Variants in FLT4 observed in about 807,000 individuals in gnomAD.
FLT4 encodes fms related receptor tyrosine kinase 4.
Under a neutral mutation model 163.2 loss-of-function variants are expected in FLT4, and 30 were observed. That is an observed-to-expected ratio of 0.18 (90% CI 0.14 to 0.25). The LOEUF (loss-of-function observed/expected upper bound fraction) is 0.25, where lower values mean the gene tolerates loss of function less well. Among genes scored for constraint, FLT4 ranks in the 10% least tolerant of loss-of-function variants. The pLI is 1.00. For missense variants in FLT4, 1,510 were observed against 1,863.8 expected, an observed-to-expected ratio of 0.81 and a Z score of 3.50; for synonymous variants, 884 against 789.5, an observed-to-expected ratio of 1.12 and a Z score of -2.01.
chr5:180,628,413 G>A (rs887069107), intron 8 of FLT4, among the ~76,000 whole-genome samples: 20 of 152,188 alleles, frequency 1.3e-4, no homozygotes, highest in African/African-American at 4.3e-4. Flanking sequence ...AAGCTCTCTC[G>A]CTCGCTGCCG....
rs767756091 is a variant in FLT4 at position 180,630,076 on chromosome 5, C to T, written c.543G>A (p.Gln181=). Residue 181 remains glutamine, a synonymous_variant, in exon 5 of 30, where the codon CAG becomes CAA. Transcript: ENST00000261937. The surrounding 1 kb of genome is among the most constrained non-coding windows in gnomAD (Gnocchi z 6.3). ...SQSSVLWPDG[Q]EVVWDDRRGM... ...CCCGCCGGTCATCCCACACCACCTC[C>T]TGCCCGTCTGGCCACAGCACCGAGC... 1 of 1,612,798 alleles carries T rather than the reference C, an allele frequency of 6.2e-7. No homozygotes were observed. Among genetic ancestry groups the T allele is most frequent in the Admixed American group, 1.7e-5 (1 of 60,030 alleles).
At chr5:180,626,820 G>A (rs367736009) in intron 8 of FLT4, among the ~76,000 whole-genome samples, 2 of 152,108 alleles carry the variant, frequency 1.3e-5, no homozygotes, top group Admixed American at 6.5e-5. Context: ...CCCACACCCC[G>A]CCCCCAGGCC....
chr5:180,631,865 G>A (rs1032089757), intron 1 of FLT4, 87 bp from the exon 2 acceptor site: 12 of 937,742 alleles, frequency 1.3e-5, no homozygotes, highest in Non-Finnish European at 1.7e-5. Context: ...TGCATCGCAA[G>A]CGCAGACCCC....
At chr5:180,620,000 C>G (rs954959086) in intron 17 of FLT4, among the ~76,000 whole-genome samples, 173 bp downstream of exon 17, 2 of 152,154 alleles carry the variant, frequency 1.3e-5, no homozygotes, top group African/African-American at 4.8e-5. Flanking sequence ...CTCAGGGAGC[C>G]TGGGAACTGG....
intron 29 of FLT4, among the ~76,000 whole-genome samples, chr5:180,607,408 C>T (rs1006373575): frequency 2.6e-5 from 4 of 152,008 alleles, no homozygotes; most frequent in Admixed American, 1.3e-4. Flanking sequence ...AGGCCGAGGG[C>T]GGGCGGATCA....
Position 180,608,197 on chromosome 5 carries a change from C to T in FLT4, c.3893+771G>A, listed in dbSNP as rs568382179. The T allele has an allele frequency of 1.3e-3, 893 of 700,652 alleles. 11 individuals are homozygous for T. The highest frequency in any genetic ancestry group is 0.011 in the South Asian group (733 of 67,508). The allele number at this position is 700,652 out of a possible 1,614,324, so 43.4% of individuals were successfully genotyped here. The stretch of plus-strand genomic sequence containing the variant: ...TAGTAGATAGCAGTAGAAGAAATAG[C>T]GAAAGTCTTAAAGTCTTTGATCTTT... On this transcript the variant is annotated intron_variant, in intron 29 of 29. Coordinates refer to ENST00000261937, the MANE Select transcript of FLT4 (RefSeq NM_182925.5).
Position 180,602,541 on chromosome 5 carries a change from G to A in FLT4, c.*651C>T. 2.5e-6 allele frequency: 1 copy of A among 399,688 alleles called. No individual in the cohort carries two copies. The highest frequency in any genetic ancestry group is 4.4e-6 in the Non-Finnish European group (1 of 226,904). 24.8% of individuals were successfully genotyped at this position (399,688 alleles called of 1,614,324 possible). A position where few individuals can be genotyped will look rare whatever the true frequency, so the allele number is the denominator to read the frequency against. On this transcript the variant is annotated 3_prime_UTR_variant, in exon 30 of 30. Transcript: ENST00000261937. ...TTGCAGGATGGCTCTCAACACCCAG[G>A]CGCAGGTGTGCGGGCTGCCTCTGTG... is the stretch of plus-strand genomic sequence containing the variant.
intron 8 of FLT4, 140 bp from the exon 9 acceptor site, chr5:180,626,405 G>C: frequency 1.1e-6 from 1 of 910,642 alleles, no homozygotes; most frequent in East Asian, 2.5e-5. Flanking sequence ...ACTGGTCTGC[G>C]AGGGGATGGT....
chr5:180,603,440 G>A (rs376258135), intron 29 of FLT4, 50 bp from the exon 30 acceptor site: 27 of 1,558,668 alleles, frequency 1.7e-5, no homozygotes, highest in Middle Eastern at 1.7e-4. Flanking sequence ...GCTGGGTGGC[G>A]GGTGGTGCAT....
In FLT4 at chr5:180,620,409, G is replaced by C; in HGVS notation, c.2407-101C>G. ...CCCAGGACAGATGGCACTTCCTGCGGGGTTCTCAGTCAAGGAGGGGACAGA... is the reference window on the plus strand; with the variant it reads ...CCCAGGACAGATGGCACTTCCTGCGCGGTTCTCAGTCAAGGAGGGGACAGA... On this transcript the variant is annotated intron_variant, in intron 16 of 29. Transcript: ENST00000261937. The surrounding 1 kb of genome is among the most constrained non-coding windows in gnomAD (Gnocchi z 4.4). The C allele has an allele frequency of 4.7e-6, 7 of 1,494,598 alleles. 1 individual carries two copies. The South Asian group carries it at 7.9e-5, about 17-fold the overall frequency. The allele number at this position is 1,494,598 out of a possible 1,614,324, so 92.6% of individuals were successfully genotyped here.
chr5:180,646,242 A>G (rs1765484556), intron 1 of FLT4, among the ~76,000 whole-genome samples: 3 of 152,130 alleles, frequency 2.0e-5, no homozygotes, highest in Admixed American at 2.0e-4. Flanking sequence ...TTGAAGCCAG[A>G]GACCTGGGAC....
At chr5:180,649,947 T>C (rs373997880), upstream of FLT4, among the ~76,000 whole-genome samples, 32 of 152,098 alleles carry the variant, frequency 2.1e-4, no homozygotes, top group East Asian at 2.3e-3. Context: ...CTTGTAAAAA[T>C]AGTATGTTAC....
intron 26 of FLT4, 111 bp from the exon 27 acceptor site, chr5:180,611,590 G>T (rs1228788092): frequency 2.6e-6 from 3 of 1,133,014 alleles, no homozygotes; most frequent in Non-Finnish European, 3.7e-6. Flanking sequence ...CCCGCCCTCA[G>T]CCCTCGCCCC....
chr5:180,642,572 G>C (rs913360107), intron 1 of FLT4, among the ~76,000 whole-genome samples: 1 of 152,122 alleles, frequency 6.6e-6, no homozygotes, highest in Non-Finnish European at 1.5e-5. Context: ...TCTCTCGATG[G>C]TGGCACACCG....
rs2127793954 is a variant in FLT4 at position 180,612,503 on chromosome 5, C to A, written c.3537+3G>T. On this transcript the variant is annotated splice_donor_region_variant and intron_variant, in intron 26 of 29. Transcript: ENST00000261937. ...AGTAGAACAGGGTGGGGAAGGGGCT[C>A]ACTTGCAGGCCCCTGCCCTGGAGCA... 1 of 1,606,956 alleles carries A rather than the reference C, an allele frequency of 6.2e-7. No individual in the cohort carries two copies. The highest frequency in any genetic ancestry group is 8.5e-7 in the Non-Finnish European group (1 of 1,173,502).
Position 180,614,275 on chromosome 5 carries a change from G to GGTGGATGGGGAGA in FLT4, c.3220-97_3220-96insTCTCCCCATCCAC, listed in dbSNP as rs1762453550. 2.3e-4 allele frequency: 154 copies of GGTGGATGGGGAGA among 676,458 alleles called. 1 individual carries two copies. The highest frequency in any genetic ancestry group is 6.5e-4 in the East Asian group (21 of 32,396). The allele number at this position is 676,458 out of a possible 1,614,324, so 41.9% of individuals were successfully genotyped here. A position where few individuals can be genotyped will look rare whatever the true frequency, so the allele number is the denominator to read the frequency against. On this transcript the variant is annotated intron_variant, in intron 23 of 29. Coordinates refer to ENST00000261937, the MANE Select transcript of FLT4 (RefSeq NM_182925.5). The stretch of plus-strand genomic sequence containing the variant: ...GGGGAGACGGAGGGAAGCGTGTCCT[G>GGTGGATGGGGAGA]CGGTGGATGGGGAGACGGAGGGAAG...
chr5:180,627,306 G>A (rs1006611620), intron 8 of FLT4, among the ~76,000 whole-genome samples: 5 of 150,898 alleles, frequency 3.3e-5, no homozygotes, highest in African/African-American at 1.2e-4. Context: ...GCAGGGGCCC[G>A]GGGGGAGTGC....
At chr5:180,608,669 T>C (rs977612844) in intron 29 of FLT4, among the ~76,000 whole-genome samples, 3 of 152,068 alleles carry the variant, frequency 2.0e-5, no homozygotes, top group Non-Finnish European at 4.4e-5. Flanking sequence ...GGAGAGTGTG[T>C]GTGCCCTGGG....
chr5:180,610,464 G>C (rs1372537644), intron 27 of FLT4, among the ~76,000 whole-genome samples: 1 of 152,244 alleles, frequency 6.6e-6, no homozygotes, highest in East Asian at 1.9e-4. Flanking sequence ...TGTCCCCCAG[G>C]CCTAGCCCTG....
Sources: gnomAD v4.1 joint callset for allele counts (sites outside exome capture counted in the v4.1 genomes callset) on GRCh38, gnomAD v4.1.1 for gene constraint, Gnocchi (gnomAD v3.1) non-coding constraint, MANE v1.5 for transcripts, NCBI Gene and HGNC (gene_info 2026-07-23, HGNC 2026-07-21) for gene names.